Variants in PKHD1 observed in about 807,000 individuals in gnomAD.
PKHD1 encodes fibrocystin.
In PKHD1, 291 loss-of-function variants were observed where a neutral mutation model predicts 412.0. The observed-to-expected ratio is 0.71, with a 90% CI of 0.64 to 0.78. The LOEUF (loss-of-function observed/expected upper bound fraction) is 0.78, where lower values mean the gene tolerates loss of function less well. PKHD1 is among the 30% of genes least tolerant of loss of function. The pLI, the probability that PKHD1 is intolerant of heterozygous loss-of-function variation, is 0.00. For missense variants in PKHD1, 4,825 were observed against 4,950.7 expected (o/e 0.97, Z 0.76); for synonymous variants, 1,777 against 1,821.5 (o/e 0.98, Z 0.62).
intron 33 of PKHD1, among the ~76,000 whole-genome samples, chr6:52,019,370 C>T (rs1581774508): frequency 6.6e-6 from 1 of 152,174 alleles, no homozygotes; most frequent in Non-Finnish European, 1.5e-5. Flanking sequence ...CTGTTATATT[C>T]TAAAGCACCT....
At chr6:51,794,162 G>A (rs374234182) in intron 52 of PKHD1, among the ~76,000 whole-genome samples, 6 of 150,390 alleles carry the variant, frequency 4.0e-5, no homozygotes, top group Middle Eastern at 3.4e-3. Context: ...TCAGCCTCCC[G>A]AGTAGCTGGG....
intron 48 of PKHD1, among the ~76,000 whole-genome samples, chr6:51,861,219 G>A (rs1383752478): frequency 1.3e-5 from 2 of 152,202 alleles, no homozygotes; most frequent in African/African-American, 2.4e-5. Context: ...TACTTAAAGA[G>A]TTATGTAACT....
At chr6:51,709,834 A>G (rs1780437238) in intron 60 of PKHD1, among the ~76,000 whole-genome samples, 1 of 146,552 alleles carries the variant, frequency 6.8e-6, no homozygotes, top group Non-Finnish European at 1.5e-5. Flanking sequence ...TGTACCTGAC[A>G]TCTATGCTTT....
chr6:51,887,284 T>C (rs1778369075), intron 43 of PKHD1, 39 bp from the exon 44 acceptor site: 1 of 1,273,598 alleles, frequency 7.9e-7, no homozygotes, highest in Non-Finnish European at 1.2e-6. Context: ...AGTTACCCCA[T>C]GTATGATAAG....
Position 51,944,373 on chromosome 6 carries a change from C to A in PKHD1, c.5909-10051G>T, listed in dbSNP as rs996080185. Among the ~76,000 whole-genome samples, 22 of 152,226 alleles carry A rather than the reference C, an allele frequency of 1.4e-4. 1 individual carries two copies. The highest frequency in any genetic ancestry group is 5.3e-4 in the African/African-American group (22 of 41,458). On this transcript the variant is annotated intron_variant, in intron 36 of 66. Coordinates refer to ENST00000371117, the MANE Select transcript of PKHD1 (RefSeq NM_138694.4). Reference sequence around the variant, plus strand: ...ACCTGCACCCAGGTGAAATAAACAGCCTTGTTGCTCACACAAAGCCTGTTT... The same window carrying A: ...ACCTGCACCCAGGTGAAATAAACAGACTTGTTGCTCACACAAAGCCTGTTT...
chr6:51,621,860 G>A (rs1561973085), intron 66 of PKHD1: 1 of 152,194 alleles, frequency 6.6e-6, no homozygotes, highest in Admixed American at 6.5e-5. Context: ...GATAAAAAAT[G>A]AATTTATAGC....
chr6:51,832,617 A>G (rs1243336039), intron 51 of PKHD1, among the ~76,000 whole-genome samples: 5 of 152,036 alleles, frequency 3.3e-5, no homozygotes, highest in African/African-American at 1.2e-4. Context: ...CAAGCAGTGG[A>G]AAAATATGAA....
chr6:52,059,857 T>A (rs1582023096), intron 15 of PKHD1, 71 bp downstream of exon 15: 1 of 814,368 alleles, frequency 1.2e-6, no homozygotes, highest in Non-Finnish European at 2.2e-6. Context: ...GAGCCTTAAC[T>A]TTGATTCTTT....
intron 36 of PKHD1, among the ~76,000 whole-genome samples, chr6:51,939,215 A>G (rs9969114): frequency 0.7 from 105,528 of 149,812 alleles, 38,332 homozygotes; most frequent in East Asian, 0.94. Context: ...TCTGGGGGGC[A>G]AGAACCCCCC....
At chr6:51,664,109 A>T (rs967188678) in intron 60 of PKHD1, among the ~76,000 whole-genome samples, 5 of 152,132 alleles carry the variant, frequency 3.3e-5, no homozygotes, top group African/African-American at 1.2e-4. Context: ...TACAGGAGTT[A>T]TACTAGTAGG....
intron 33 of PKHD1, among the ~76,000 whole-genome samples, chr6:52,018,874 T>G (rs553675584): frequency 1.3e-5 from 2 of 152,246 alleles, no homozygotes; most frequent in Non-Finnish European, 2.9e-5. Context: ...GTGAAATTCC[T>G]GTTTCTCTCA....
chr6:51,673,018 G>T (rs1775250723), intron 60 of PKHD1, among the ~76,000 whole-genome samples: 1 of 152,160 alleles, frequency 6.6e-6, no homozygotes, highest in South Asian at 2.1e-4. Flanking sequence ...CCTTCTCTGT[G>T]TCTGGCATTC....
chr6:51,668,870 C>A (rs1290753351), intron 60 of PKHD1, among the ~76,000 whole-genome samples: 1 of 152,134 alleles, frequency 6.6e-6, no homozygotes, highest in Non-Finnish European at 1.5e-5. Flanking sequence ...ATATATTGAA[C>A]CAGCCTTGCA....
chr6:51,873,141 T>G (rs555210630), intron 46 of PKHD1, among the ~76,000 whole-genome samples: 2 of 152,236 alleles, frequency 1.3e-5, no homozygotes, highest in South Asian at 4.1e-4. Flanking sequence ...ATCCAGCAAT[T>G]TTACAACTTG....
chr6:51,753,238 CACAA>C lies in PKHD1; in HGVS notation c.8909_8912del (p.Phe2970TrpfsTer68), dbSNP rs1473686155. ...CTCGGCTGGACTTCCTGAAGGACCCCACAAACAGTCTCCCCCTACATGATACGTC... is the reference window on the plus strand; with the variant it reads ...CTCGGCTGGACTTCCTGAAGGACCCCACAGTCTCCCCCTACATGATACGTC... On this transcript the variant is annotated frameshift_variant, in exon 57 of 67. Transcript: ENST00000371117. LOFTEE classifies it high-confidence loss of function. 4 of 1,613,688 alleles carry C rather than the reference CACAA, an allele frequency of 2.5e-6. No homozygotes were observed. The highest frequency in any genetic ancestry group is 3.3e-5 in the Admixed American group (2 of 59,958).
At position 51,791,330 on chromosome 6, in the gene PKHD1, C is replaced by T. The variant is rs773862947; in HGVS notation, c.8346G>A (p.Gly2782=). ...AGTCTAAGGTCCCCATCACATACAG[C>T]CCTTTGAAGAATGGAAGATCTGTAT... The part of the protein sequence containing the change: ...LVDTDLPFFK[G]LYVMGTLDFP... The change falls in exon 53 of 67, where the codon GGG becomes GGA. Residue 2782 remains glycine (G), a synonymous_variant. Coordinates refer to ENST00000371117, the MANE Select transcript of PKHD1 (RefSeq NM_138694.4). 9 of 1,612,988 alleles carry T rather than the reference C, an allele frequency of 5.6e-6. No individual in the cohort carries two copies. The South Asian group carries it at 9.9e-5, about 18-fold the overall frequency.
At chr6:51,695,112 C>T (rs1562117064) in intron 60 of PKHD1, among the ~76,000 whole-genome samples, 1 of 152,064 alleles carries the variant, frequency 6.6e-6, no homozygotes, top group African/African-American at 2.4e-5. Context: ...TAAAAATGGA[C>T]TTAAAAGTAT....
chr6:51,721,696 T>C (rs576737673), intron 60 of PKHD1: 221 of 1,275,796 alleles, frequency 1.7e-4, no homozygotes, highest in Middle Eastern at 8.7e-4. Flanking sequence ...CCCAAAGATA[T>C]CCTGACTACG....
rs1250662756 is a variant in PKHD1, at chr6:51,874,880, C to G, written c.7351-4241G>C. On this transcript the variant is annotated intron_variant, in intron 46 of 66. Transcript: ENST00000371117. ...GTTCATCTCACTAGGGAGTGCCAGA[C>G]AGTGGGCGCAGGCCAGTGTGTGTGC... 2.0e-5 allele frequency among the ~76,000 whole-genome samples: 2 copies of G among 98,770 alleles called. 1 individual carries two copies. The highest frequency in any genetic ancestry group is 3.8e-5 in the Non-Finnish European group (2 of 52,642). The allele number at this position is 98,770 out of a possible 152,430, so 64.8% of individuals were successfully genotyped here. A position where few individuals can be genotyped will look rare whatever the true frequency, so the allele number is the denominator to read the frequency against.
Sources: allele counts gnomAD v4.1 joint callset (sites outside exome capture counted in the v4.1 genomes callset), GRCh38; gene constraint gnomAD v4.1.1; transcripts MANE v1.5; gene names NCBI Gene and HGNC (gene_info 2026-07-23, HGNC 2026-07-21).